DPH6: variants seen among roughly 807,000 people sequenced by gnomAD.
The protein encoded by DPH6 is diphthine--ammonia ligase.
Under a neutral mutation model 38.2 loss-of-function variants are expected in DPH6, and 33 were observed. The ratio of observed to expected loss-of-function variants is 0.86; its 90% CI spans 0.65 to 1.15. DPH6 has a LOEUF of 1.15. DPH6 is among the 50% of genes most tolerant of loss of function. DPH6 has a pLI of 0.00. For missense variants in DPH6, 325 were observed against 320.0 expected, an observed-to-expected ratio of 1.02 and a Z score of -0.12; for synonymous variants, 108 against 103.0, an observed-to-expected ratio of 1.05 and a Z score of -0.30.
chr15:35,489,619 T>G (rs149685162), intron 3 of DPH6: 5 of 982,462 alleles, frequency 5.1e-6, no homozygotes, highest in East Asian at 2.3e-4. Flanking sequence ...ATTTAGAAAG[T>G]TCTCTGCAAC....
At chr15:35,313,953 T>C (rs2052165816) in intron 3 of DPH6, among the ~76,000 whole-genome samples, 2 of 152,106 alleles carry the variant, frequency 1.3e-5, no homozygotes, top group Non-Finnish European at 2.9e-5. Flanking sequence ...AATGGGATCA[T>C]GTCAAGCTAA....
At chr15:35,170,303 T>G in the DPH6 span, among the ~76,000 whole-genome samples, 4 of 152,312 alleles carry the variant, frequency 2.6e-5, no homozygotes, top group South Asian at 8.3e-4. Context: ...TTCAGAACCC[T>G]TGCTTTGGTA....
downstream of DPH6, among the ~76,000 whole-genome samples, chr15:35,327,728 C>G (rs942096907): frequency 6.6e-6 from 1 of 152,184 alleles, no homozygotes; most frequent in South Asian, 2.1e-4. Flanking sequence ...ACTTTGGTCT[C>G]TAACTTCTCT....
chr15:35,369,603 C>T (rs1247563242), downstream of DPH6, among the ~76,000 whole-genome samples: 2 of 148,068 alleles, frequency 1.4e-5, no homozygotes, highest in Non-Finnish European at 3.0e-5. Context: ...AAGAATACCA[C>T]CTTAAAGCCT....
At chr15:35,441,033 C>T (rs1305817650) in intron 5 of DPH6, among the ~76,000 whole-genome samples, 2 of 152,166 alleles carry the variant, frequency 1.3e-5, no homozygotes, top group African/African-American at 4.8e-5. Context: ...GACATTTATG[C>T]AGCCAACAAA....
At chr15:35,359,067 T>C (rs981003329) in intron 3 of DPH6, among the ~76,000 whole-genome samples, 2 of 151,946 alleles carry the variant, frequency 1.3e-5, no homozygotes, top group Non-Finnish European at 2.9e-5. Context: ...GTGGCTGCTG[T>C]TGGGGATGGG....
chr15:35,334,091 A>AT (rs1295392531), intron 3 of DPH6, among the ~76,000 whole-genome samples: 2 of 152,106 alleles, frequency 1.3e-5, no homozygotes, highest in Non-Finnish European at 2.9e-5. Context: ...ACGGATGTCC[A>AT]TTTTTAATTT....
At chr15:35,162,467 C>G in the DPH6 span, among the ~76,000 whole-genome samples, 2 of 151,864 alleles carry the variant, frequency 1.3e-5, no homozygotes, top group African/African-American at 4.8e-5. Context: ...TGCCTCAAAG[C>G]CTCTGCAGGA....
intron 3 of DPH6, among the ~76,000 whole-genome samples, chr15:35,258,522 C>T (rs1395446763): frequency 6.6e-6 from 1 of 152,114 alleles, no homozygotes; most frequent in Non-Finnish European, 1.5e-5. Context: ...GAACTAAAGT[C>T]TGGGTTAAAT....
chr15:35,305,697 A>G (rs2140812518), intron 3 of DPH6, among the ~76,000 whole-genome samples: 1 of 152,308 alleles, frequency 6.6e-6, no homozygotes, highest in East Asian at 1.9e-4. Flanking sequence ...ACATATCTCT[A>G]ATAAAGATCA....
Position 35,381,884 on chromosome 15 carries a change from T to C in DPH6, c.600A>G (p.Gly200=). Residue 200 remains glycine (G), a synonymous_variant, in exon 7 of 9, where the codon GGA becomes GGG. Coordinates refer to ENST00000256538, the MANE Select transcript of DPH6 (RefSeq NM_080650.4). ...TGAAAGTTTCATACTCTCCACCTTCTCCACAAACATGTACTCCATACTTCT... is the reference window on the plus strand; with the variant it reads ...TGAAAGTTTCATACTCTCCACCTTCCCCACAAACATGTACTCCATACTTCT... The part of the protein sequence containing the change: ...LSKKYGVHVC[G]EGGEYETFTL... The C allele has an allele frequency of 1.2e-6, 2 of 1,613,658 alleles. No individual in the cohort carries two copies. Among genetic ancestry groups the C allele is most frequent in the South Asian group, 1.1e-5 (1 of 91,048 alleles).
rs546031207 is a variant in DPH6 at position 35,229,486 on chromosome 15, T to C, written n.201-8904A>G. 3.9e-5 allele frequency among the ~76,000 whole-genome samples: 6 copies of C among 152,316 alleles called. No homozygotes were observed. In the East Asian group the frequency reaches 1.2e-3, roughly 29 times the overall value. On this transcript the variant is annotated intron_variant and non_coding_transcript_variant, in intron 3 of 3. Coordinates refer to the DPH6 transcript ENST00000560386. Reference sequence around the variant, plus strand: ...TTTCTTTGAGTTTCCTAAAAACAGCTATTTTGAATTTTCTGTCTGAAAGGT... The same window carrying C: ...TTTCTTTGAGTTTCCTAAAAACAGCCATTTTGAATTTTCTGTCTGAAAGGT...
intron 6 of DPH6, among the ~76,000 whole-genome samples, chr15:35,404,540 T>A (rs1218757604): frequency 6.6e-6 from 1 of 152,192 alleles, no homozygotes; most frequent in Non-Finnish European, 1.5e-5. Flanking sequence ...GAACTGTCCA[T>A]TCAATTCTTT....
chr15:35,348,210 A>G (rs536895637), intron 3 of DPH6, among the ~76,000 whole-genome samples: 9 of 152,304 alleles, frequency 5.9e-5, no homozygotes, highest in Non-Finnish European at 1.0e-4. Context: ...TGTCATGTCC[A>G]GTAAAACACA....
Position 35,404,336 on chromosome 15 carries a change from T to C in DPH6, c.567+6499A>G, listed in dbSNP as rs189579957. ...TCCAGAGTAGTTGTACTAATTTACATTCCCATAGACAGCATATGAGGGTTC... is the reference window on the plus strand; with the variant it reads ...TCCAGAGTAGTTGTACTAATTTACACTCCCATAGACAGCATATGAGGGTTC... On this transcript the variant is annotated intron_variant, in intron 6 of 8. Transcript: ENST00000256538. Among the ~76,000 whole-genome samples, 169 of 152,298 alleles carry C rather than the reference T, an allele frequency of 1.1e-3. 1 individual carries two copies. Among genetic ancestry groups the C allele is most frequent in the African/African-American group, 3.9e-3 (164 of 41,562 alleles).
rs546134758 is a variant in DPH6 at position 35,484,875 on chromosome 15, G to T, written c.313-30055C>A. On this transcript the variant is annotated intron_variant, in intron 3 of 8. Coordinates refer to ENST00000256538, the MANE Select transcript of DPH6 (RefSeq NM_080650.4). ...TATTTGAAACCTTTCATAATAAAAC[G>T]TTTAAATAGAAAGAGAAAATACTAT... Among the ~76,000 whole-genome samples the T allele has an allele frequency of 2.3e-4, 35 of 151,928 alleles. No individual in the cohort carries two copies. The East Asian group carries it at 6.8e-3, about 29-fold the overall frequency.
chr15:35,505,129 T>A (rs903375999), intron 3 of DPH6, among the ~76,000 whole-genome samples: 1 of 152,126 alleles, frequency 6.6e-6, no homozygotes, highest in Non-Finnish European at 1.5e-5. Flanking sequence ...CACAAAGGCA[T>A]CAGCTTGCAT....
chr15:35,362,507 C>T (rs2140908354), intron 3 of DPH6, among the ~76,000 whole-genome samples: 1 of 152,308 alleles, frequency 6.6e-6, no homozygotes, highest in South Asian at 2.1e-4. Context: ...CTGCTGGCCT[C>T]CATCTTTATT....
chr15:35,428,830 T>C (rs1299028709), intron 5 of DPH6, among the ~76,000 whole-genome samples: 1 of 152,118 alleles, frequency 6.6e-6, no homozygotes, highest in Non-Finnish European at 1.5e-5. Context: ...CCTTTCATTG[T>C]TCTGGTCACT....
Sources: gnomAD v4.1 joint callset for allele counts (sites outside exome capture counted in the v4.1 genomes callset) on GRCh38, gnomAD v4.1.1 for gene constraint, MANE v1.5 for transcripts, NCBI Gene and HGNC (gene_info 2026-07-23, HGNC 2026-07-21) for gene names.